RNF217: variants seen among roughly 807,000 people sequenced by gnomAD.
The protein encoded by RNF217 is E3 ubiquitin-protein ligase RNF217.
In RNF217, 31 loss-of-function variants were observed where a neutral mutation model predicts 57.8. The observed-to-expected ratio is 0.54, with a 90% CI of 0.40 to 0.72. RNF217 has a LOEUF of 0.72. Among genes scored for constraint, RNF217 ranks in the 30% least tolerant of loss-of-function variants. RNF217 has a pLI of 0.00. For synonymous variants in RNF217, 313 were observed against 294.0 expected, an observed-to-expected ratio of 1.06 and a Z score of -0.66; for missense variants, 696 against 708.3, an observed-to-expected ratio of 0.98 and a Z score of 0.20.
chr6:125,049,030 G>C (rs773699887), intron 2 of RNF217, among the ~76,000 whole-genome samples: 4 of 151,926 alleles, frequency 2.6e-5, no homozygotes, highest in Non-Finnish European at 5.9e-5. Context: ...TAAAACTCTT[G>C]TCATGATGCC....
chr6:125,051,515 C>T (rs1291302364), intron 2 of RNF217, among the ~76,000 whole-genome samples: 1 of 152,076 alleles, frequency 6.6e-6, no homozygotes, highest in African/African-American at 2.4e-5. Flanking sequence ...GCTGTCTACA[C>T]AGTGCACGGA....
chr6:125,033,444 G>C (rs550840911), intron 1 of RNF217, among the ~76,000 whole-genome samples: 28 of 127,766 alleles, frequency 2.2e-4, no homozygotes, highest in Non-Finnish European at 4.2e-4. Flanking sequence ...AACATGCGGT[G>C]TTTGGTTTTT....
chr6:125,055,981 C>CT (rs1787507693), intron 2 of RNF217, among the ~76,000 whole-genome samples: 1 of 151,696 alleles, frequency 6.6e-6, no homozygotes, highest in Non-Finnish European at 1.5e-5. Flanking sequence ...TCCTTTTTTT[C>CT]TTTTTTCATT....
rs1382551472 is a variant in RNF217 at position 125,091,393 on chromosome 6, G to T, written c.*8456G>T. On this transcript the variant is annotated 3_prime_UTR_variant, in exon 6 of 6. Transcript: ENST00000521654. ...ATATATTTTTTGTGAGTGTTCTTTG[G>T]TCCCTCTATTTAAAGTGCTAAGGAG... 3 of 151,708 alleles carry T rather than the reference G, an allele frequency of 2.0e-5. No individual in the cohort carries two copies. Among genetic ancestry groups the T allele is most frequent in the Non-Finnish European group, 4.4e-5 (3 of 67,844 alleles). 9.4% of individuals were successfully genotyped at this position (151,708 alleles called of 1,614,324 possible). A position where few individuals can be genotyped will look rare whatever the true frequency, so the allele number is the denominator to read the frequency against.
At chr6:124,965,937 G>C (rs114157995) in intron 1 of RNF217, among the ~76,000 whole-genome samples, 1 of 152,128 alleles carries the variant, frequency 6.6e-6, no homozygotes, top group Non-Finnish European at 1.5e-5. Context: ...CATCTACAGC[G>C]TTGTCTGGTA....
intron 1 of RNF217, among the ~76,000 whole-genome samples, chr6:124,963,982 AC>A: frequency 6.6e-6 from 1 of 152,090 alleles, no homozygotes; most frequent in Non-Finnish European, 1.5e-5. Flanking sequence ...CTTTTCTTTC[AC>A]TGAGGTTTTA....
intron 1 of RNF217, among the ~76,000 whole-genome samples, chr6:124,982,410 T>C (rs1366325961): frequency 6.6e-6 from 1 of 152,138 alleles, no homozygotes; most frequent in Non-Finnish European, 1.5e-5. Flanking sequence ...CATAGGGTAA[T>C]ACAAGATACT....
intron 3 of RNF217, among the ~76,000 whole-genome samples, chr6:125,059,694 A>G (rs1490780475): frequency 2.6e-5 from 4 of 152,218 alleles, no homozygotes; most frequent in African/African-American, 9.6e-5. Context: ...TAAATGGACT[A>G]TAATGTAAAG....
chr6:125,076,900 A>G (rs1562498053), intron 4 of RNF217, 42 bp downstream of exon 4: 1 of 1,539,876 alleles, frequency 6.5e-7, no homozygotes, highest in Non-Finnish European at 9.0e-7. Flanking sequence ...CCTGGGAATT[A>G]AGTAGTGAAA....
chr6:125,075,406 C>T (rs183854116), intron 3 of RNF217, among the ~76,000 whole-genome samples: 3 of 152,050 alleles, frequency 2.0e-5, no homozygotes, highest in Admixed American at 6.6e-5. Flanking sequence ...CTCATGGTTC[C>T]GCATGCCTGG....
chr6:124,996,025 A>AT (rs1784737989), intron 1 of RNF217, among the ~76,000 whole-genome samples: 2 of 151,666 alleles, frequency 1.3e-5, no homozygotes, highest in South Asian at 4.2e-4. Context: ...ATTTTTCCAG[A>AT]TTTTTTAAAT....
chr6:124,999,518 T>C (rs1479335060), intron 1 of RNF217, among the ~76,000 whole-genome samples: 1 of 152,170 alleles, frequency 6.6e-6, no homozygotes, highest in Admixed American at 6.5e-5. Context: ...AGTGTGATCT[T>C]GTAGAAAATG....
At chr6:125,058,137 A>C in intron 3 of RNF217, 31 bp downstream of exon 3, 5 of 1,588,352 alleles carry the variant, frequency 3.1e-6, no homozygotes, top group Non-Finnish European at 4.3e-6. Flanking sequence ...AAAAGAAAAA[A>C]CATGTACATC....
intron 1 of RNF217, among the ~76,000 whole-genome samples, chr6:124,994,077 G>T (rs1562457928): frequency 6.6e-6 from 1 of 151,928 alleles, no homozygotes; most frequent in Non-Finnish European, 1.5e-5. Flanking sequence ...ATGGAAGGAA[G>T]AGGAAAAAGC....
At chr6:125,010,629 TA>T (rs974403143) in intron 1 of RNF217, among the ~76,000 whole-genome samples, 1 of 152,156 alleles carries the variant, frequency 6.6e-6, no homozygotes, top group Admixed American at 6.6e-5. Flanking sequence ...TTCGTTGTGT[TA>T]AAAAAATAGA....
At chr6:125,065,023 C>T (rs1787883828) in intron 3 of RNF217, among the ~76,000 whole-genome samples, 1 of 152,000 alleles carries the variant, frequency 6.6e-6, no homozygotes, top group Non-Finnish European at 1.5e-5. Flanking sequence ...CGCCGGTAAT[C>T]CCAGCACTTT....
intron 1 of RNF217, among the ~76,000 whole-genome samples, chr6:124,981,440 T>A (rs758148162): frequency 6.6e-6 from 1 of 152,094 alleles, no homozygotes; most frequent in Non-Finnish European, 1.5e-5. Flanking sequence ...CATCAATCAG[T>A]ATGTGACCAA....
At chr6:124,999,869 TTAAA>T (rs1784908177) in intron 1 of RNF217, among the ~76,000 whole-genome samples, 3 of 152,322 alleles carry the variant, frequency 2.0e-5, no homozygotes, top group East Asian at 3.9e-4. Context: ...TATTAAACTA[TTAAA>T]TAAATATATG....
Position 125,091,399 on chromosome 6 carries a change from C to T in RNF217, c.*8462C>T, listed in dbSNP as rs1788947285. On this transcript the variant is annotated 3_prime_UTR_variant, in exon 6 of 6. Transcript: ENST00000521654. ...TTTTTGTGAGTGTTCTTTGGTCCCT[C>T]TATTTAAAGTGCTAAGGAGAAAGCA... 6.6e-6 allele frequency: 1 copy of T among 151,974 alleles called. No homozygotes were observed. The highest frequency in any genetic ancestry group is 6.6e-5 in the Admixed American group (1 of 15,264). The allele number at this position is 151,974 out of a possible 1,614,324, so 9.4% of individuals were successfully genotyped here.
Sources: gnomAD v4.1 joint callset for allele counts (sites outside exome capture counted in the v4.1 genomes callset) on GRCh38, gnomAD v4.1.1 for gene constraint, MANE v1.5 for transcripts, NCBI Gene and HGNC (gene_info 2026-07-23, HGNC 2026-07-21) for gene names.